The following SCN10A variants were observed in gnomAD, a reference collection of about 807,000 sequenced individuals.
The protein encoded by SCN10A is sodium voltage-gated channel alpha subunit 10, also known as sodium channel protein type 10 subunit alpha.
In SCN10A, 162 loss-of-function variants were observed where a neutral mutation model predicts 170.7. The ratio of observed to expected loss-of-function variants is 0.95; its 90% confidence interval spans 0.84 to 1.08. The LOEUF is 1.08. Among genes scored for constraint, SCN10A ranks in the 50% least tolerant of loss-of-function variants. The probability of loss-of-function intolerance (pLI) is 0.00; values close to 1 mark genes in which losing one functional copy is unlikely to be tolerated. For synonymous variants in SCN10A, 985 were observed against 904.6 expected (o/e 1.09, Z -1.59); for missense variants, 2,527 against 2,436.9 (o/e 1.04, Z -0.78).
chr3:38,714,729 T>C (rs1479695299), intron 21 of SCN10A, among the ~76,000 whole-genome samples: 1 of 152,208 alleles, frequency 6.6e-6, no homozygotes, highest in Non-Finnish European at 1.5e-5. Flanking sequence ...CTAGCTTCAA[T>C]AGATATCTGA....
rs564943632 is a variant in SCN10A, at chr3:38,698,196, G to C, written c.5024C>G (p.Pro1675Arg). The change falls in exon 28 of 28, where the codon CCC becomes CGC. Residue 1675 changes from proline (P) to arginine (R), a missense_variant. By Grantham distance (103) the Pro-to-Arg change is moderately radical. Transcript: ENST00000449082. Reference sequence around the variant, plus strand: ...GGGCAGATTGGGGTCACAGTAGGGGGGCCCTGTGTTGAGGATGGGGCTGAG... The same window carrying C: ...GGGCAGATTGGGGTCACAGTAGGGGCGCCCTGTGTTGAGGATGGGGCTGAG... ...GLLSPILNTG[P>R]PYCDPNLPNS... The C allele has an allele frequency of 3.1e-6, 5 of 1,614,146 alleles. No individual in the cohort carries two copies. Among genetic ancestry groups the C allele is most frequent in the Non-Finnish European group, 3.4e-6 (4 of 1,180,030 alleles).
intron 13 of SCN10A, among the ~76,000 whole-genome samples, chr3:38,746,075 A>ATGTGTGTGTG (rs1321412735): frequency 2.4e-5 from 2 of 83,618 alleles, no homozygotes; most frequent in South Asian, 4.7e-4. Context: ...ATATATATAT[A>ATGTGTGTGTG]TATATATATA....
At chr3:38,762,072 A>G (rs1366419711) in intron 6 of SCN10A, among the ~76,000 whole-genome samples, 1 of 152,162 alleles carries the variant, frequency 6.6e-6, no homozygotes, top group Non-Finnish European at 1.5e-5. Flanking sequence ...TTGTTTAAGG[A>G]GGGATGATTT....
intron 1 of SCN10A, among the ~76,000 whole-genome samples, chr3:38,794,497 T>C (rs537345532): frequency 1.3e-5 from 2 of 152,332 alleles, no homozygotes; most frequent in South Asian, 4.1e-4. Flanking sequence ...CTCCACCTGT[T>C]TGAATTTCAT....
intron 23 of SCN10A, among the ~76,000 whole-genome samples, 185 bp from the exon 24 acceptor site, chr3:38,711,082 C>T (rs1342548694): frequency 1.3e-5 from 2 of 152,126 alleles, no homozygotes. Flanking sequence ...TAAAGTAATC[C>T]CACATGTGGC....
chr3:38,716,947 G>T (rs2063340303), intron 21 of SCN10A, among the ~76,000 whole-genome samples: 1 of 152,106 alleles, frequency 6.6e-6, no homozygotes, highest in South Asian at 2.1e-4. Context: ...AAGAATAGAT[G>T]GATAGGTTGA....
intron 27 of SCN10A, 50 bp from the exon 28 acceptor site, chr3:38,698,612 G>A (rs756665161): frequency 5.2e-5 from 81 of 1,554,478 alleles, no homozygotes; most frequent in South Asian, 4.7e-4. Flanking sequence ...GCCATGAGAC[G>A]TGACAAAGTT....
chr3:38,808,256 TC>T (rs2064418028), intron 1 of SCN10A, among the ~76,000 whole-genome samples: 1 of 152,156 alleles, frequency 6.6e-6, no homozygotes, highest in South Asian at 2.1e-4. Context: ...TTTTTCTCTC[TC>T]TCTCAGCAAT....
At position 38,698,806 on chromosome 3, in the gene SCN10A, G is replaced by A. The variant is rs62243861; in HGVS notation, c.4658-244C>T. Among the ~76,000 whole-genome samples, 29,153 of 152,016 alleles carry A rather than the reference G, an allele frequency of 0.19. 3,313 individuals are homozygous for A. Among genetic ancestry groups the A allele is most frequent in the African/African-American group, 0.32 (13,150 of 41,442 alleles). ...TTCCTACCATGTTATCTTTGCCTCC[G>A]CCTAGAATATCCTCTTGGTCAACCT... On this transcript the variant is annotated intron_variant, in intron 27 of 27. Coordinates refer to ENST00000449082, the MANE Select transcript of SCN10A (RefSeq NM_006514.4).
intron 5 of SCN10A, among the ~76,000 whole-genome samples, chr3:38,766,873 T>C (rs1476491533): frequency 2.0e-5 from 3 of 152,172 alleles, no homozygotes; most frequent in Non-Finnish European, 4.4e-5. Flanking sequence ...CTTTTTTTCC[T>C]TGGCAATTTT....
chr3:38,721,786 G>A (rs2063392614), intron 20 of SCN10A, among the ~76,000 whole-genome samples: 1 of 152,226 alleles, frequency 6.6e-6, no homozygotes, highest in Non-Finnish European at 1.5e-5. Flanking sequence ...AGCTTTAAAG[G>A]AGTAATTAGT....
At chr3:38,746,100 T>TATCTATATATATCTAG (rs71085336) in intron 13 of SCN10A, among the ~76,000 whole-genome samples, 1 of 99,820 alleles carries the variant, frequency 1.0e-5, no homozygotes, top group African/African-American at 3.6e-5. Context: ...TATATATATA[T>TATCTATATATATCTAG]GCCATCTTTG....
intron 2 of SCN10A, 27 bp from the exon 3 acceptor site, chr3:38,792,195 A>G (rs1338901690): frequency 6.2e-7 from 1 of 1,610,294 alleles, no homozygotes; most frequent in Non-Finnish European, 8.5e-7. Flanking sequence ...CAGAAAGTGG[A>G]CCTCCAATGA....
intron 7 of SCN10A, 55 bp from the exon 8 acceptor site, chr3:38,760,802 A>G: frequency 7.0e-7 from 1 of 1,427,712 alleles, no homozygotes. Context: ...CTCCAACCCA[A>G]GCCTTGTGTG....
intron 13 of SCN10A, 55 bp downstream of exon 13, chr3:38,750,018 C>G: frequency 1.0e-6 from 1 of 981,120 alleles, no homozygotes. Context: ...TTCTGCTGCT[C>G]ACATGGGAAT....
chr3:38,718,739 A>G lies in SCN10A; in HGVS notation c.3595T>C (p.Phe1199Leu). 1.9e-6 allele frequency: 3 copies of G among 1,614,238 alleles called. No individual in the cohort carries two copies. Among genetic ancestry groups the G allele is most frequent in the Non-Finnish European group, 1.7e-6 (2 of 1,180,040 alleles). The stretch of plus-strand genomic sequence containing the variant: ...GCCACCCACTTAAGCAGCATCTCGA[A>G]CACAAAGATAAAGGTGAAGACCCTG... ...TDRVFTFIFVFEMLLKWVAYG... is the reference protein window; with the variant it reads ...TDRVFTFIFVLEMLLKWVAYG... The change falls in exon 21 of 28, where the codon TTC (phenylalanine) becomes CTC (leucine). Residue 1199 changes from phenylalanine (F) to leucine (L), a missense_variant. By Grantham distance (22) the Phe-to-Leu change is conservative. Coordinates refer to ENST00000449082, the MANE Select transcript of SCN10A (RefSeq NM_006514.4).
chr3:38,767,801 T>G (rs893489600), intron 5 of SCN10A, among the ~76,000 whole-genome samples: 2 of 152,196 alleles, frequency 1.3e-5, no homozygotes, highest in Non-Finnish European at 2.9e-5. Flanking sequence ...TTGTTGACTT[T>G]CTGTCTTGAT....
chr3:38,701,514 C>A (rs149102632), intron 27 of SCN10A, among the ~76,000 whole-genome samples: 2 of 152,166 alleles, frequency 1.3e-5, no homozygotes, highest in African/African-American at 4.8e-5. Context: ...GCTGGAGACT[C>A]CATCATCTTA....
chr3:38,745,630 C>G (rs2063678207), intron 13 of SCN10A, among the ~76,000 whole-genome samples: 1 of 152,104 alleles, frequency 6.6e-6, no homozygotes, highest in Non-Finnish European at 1.5e-5. Context: ...CTCACCCGCT[C>G]TTTAAGCCCC....
Sources: allele counts gnomAD v4.1 joint callset (sites outside exome capture counted in the v4.1 genomes callset), GRCh38; gene constraint gnomAD v4.1.1; transcripts MANE v1.5; gene names NCBI Gene and HGNC (gene_info 2026-07-23, HGNC 2026-07-21).